The following PHACTR1 variants were observed in gnomAD, a reference collection of about 807,000 sequenced individuals.
PHACTR1 encodes RPEL repeat containing 1.
Under a neutral mutation model 69.2 loss-of-function variants are expected in PHACTR1, and 16 were observed. The observed-to-expected ratio is 0.23, with a 90% CI of 0.16 to 0.35. The LOEUF (loss-of-function observed/expected upper bound fraction) is 0.35. Among genes scored for constraint, PHACTR1 ranks in the 10% least tolerant of loss-of-function variants. The pLI is 1.00. For missense variants in PHACTR1, 510 were observed against 734.7 expected, an observed-to-expected ratio of 0.69 and a Z score of 3.54; for synonymous variants, 312 against 284.5, an observed-to-expected ratio of 1.10 and a Z score of -0.97.
intron 5 of PHACTR1, among the ~76,000 whole-genome samples, chr6:13,097,076 T>C (rs13200673): frequency 0.17 from 25,546 of 152,196 alleles, 2,803 homozygotes; most frequent in South Asian, 0.4. Context: ...GGAAACATAA[T>C]GCAAATTTTG....
chr6:13,156,671 C>T (rs1758222734), intron 5 of PHACTR1, among the ~76,000 whole-genome samples: 1 of 152,224 alleles, frequency 6.6e-6, no homozygotes. Flanking sequence ...TGCTTGATAA[C>T]GTCTCTTGGA....
chr6:12,886,030 G>T (rs1783599171), intron 4 of PHACTR1, among the ~76,000 whole-genome samples: 1 of 152,164 alleles, frequency 6.6e-6, no homozygotes. Flanking sequence ...AGGAGGCGGA[G>T]GTTTCAGTGA....
intron 10 of PHACTR1, among the ~76,000 whole-genome samples, chr6:13,255,490 A>G (rs1775054464): frequency 6.6e-6 from 1 of 152,194 alleles, no homozygotes; most frequent in Non-Finnish European, 1.5e-5. Flanking sequence ...TCATTCCAAC[A>G]TTAACTCAAA....
At chr6:13,036,091 T>C (rs1803261068) in intron 4 of PHACTR1, among the ~76,000 whole-genome samples, 1 of 151,922 alleles carries the variant, frequency 6.6e-6, no homozygotes, top group African/African-American at 2.4e-5. Context: ...GCTTAGCATA[T>C]GGCTAGTCGC....
chr6:13,160,323 C>G, intron 6 of PHACTR1, 39 bp downstream of exon 6: 2 of 1,552,172 alleles, frequency 1.3e-6, no homozygotes, highest in Non-Finnish European at 1.8e-6. Context: ...GTCAAAGAGT[C>G]ATGCGTGGAA....
chr6:12,787,720 G>C (rs1192455886), intron 4 of PHACTR1, among the ~76,000 whole-genome samples: 1 of 152,156 alleles, frequency 6.6e-6, no homozygotes, highest in Non-Finnish European at 1.5e-5. Flanking sequence ...TACCTGTCCA[G>C]AGTGACCCTC....
chr6:13,022,648 ATATT>A (rs1315210153), intron 4 of PHACTR1, among the ~76,000 whole-genome samples: 11 of 149,448 alleles, frequency 7.4e-5, no homozygotes, highest in Admixed American at 7.3e-4. Context: ...GAAGCTTAAG[ATATT>A]TATTCTCTGG....
intron 4 of PHACTR1, among the ~76,000 whole-genome samples, chr6:12,824,126 G>T (rs1776523143): frequency 6.6e-6 from 1 of 152,136 alleles, no homozygotes. Context: ...TCAGATCAGT[G>T]GTGGCATTAG....
At chr6:13,201,369 C>T (rs369118767) in intron 7 of PHACTR1, among the ~76,000 whole-genome samples, 79 of 152,240 alleles carry the variant, frequency 5.2e-4, no homozygotes, top group African/African-American at 1.7e-3. Flanking sequence ...AGCAAAGGCC[C>T]TGAAGAGAGA....
chr6:12,775,577 T>C (rs1231761896), intron 4 of PHACTR1, among the ~76,000 whole-genome samples: 1 of 152,224 alleles, frequency 6.6e-6, no homozygotes, highest in East Asian at 1.9e-4. Context: ...TAAAATTTAA[T>C]ATTGTGCTTT....
At chr6:13,112,252 C>T (rs957516698) in intron 5 of PHACTR1, among the ~76,000 whole-genome samples, 7 of 152,156 alleles carry the variant, frequency 4.6e-5, no homozygotes, top group African/African-American at 1.7e-4. Context: ...TATATATGTA[C>T]CACATGTTTT....
At chr6:13,187,258 C>T (rs369185310) in intron 7 of PHACTR1, among the ~76,000 whole-genome samples, 6 of 152,234 alleles carry the variant, frequency 3.9e-5, no homozygotes, top group African/African-American at 1.2e-4. Context: ...CATATATATA[C>T]GTAGAGAGAG....
chr6:12,892,338 C>T (rs1784239489), intron 4 of PHACTR1, among the ~76,000 whole-genome samples: 3 of 152,318 alleles, frequency 2.0e-5, no homozygotes, highest in Admixed American at 2.0e-4. Context: ...GAGGGTTTCA[C>T]TTTATGTAAG....
chr6:13,118,832 G>A (rs981260487), intron 5 of PHACTR1, among the ~76,000 whole-genome samples: 9 of 152,108 alleles, frequency 5.9e-5, no homozygotes, highest in African/African-American at 2.2e-4. Flanking sequence ...AGGCACTGCA[G>A]CTAGAACTAC....
chr6:12,922,643 C>A (rs1450954926), intron 4 of PHACTR1, among the ~76,000 whole-genome samples: 2 of 152,306 alleles, frequency 1.3e-5, no homozygotes, highest in South Asian at 4.2e-4. Flanking sequence ...CCATTTCACT[C>A]CTCCTACTAT....
rs555293915 is a variant in PHACTR1, at chr6:12,777,821, G to A, written c.250+28031G>A. On this transcript the variant is annotated intron_variant, in intron 4 of 14. Coordinates refer to ENST00000332995, the MANE Select transcript of PHACTR1 (RefSeq NM_030948.6). ...TAATTTTTCTATTTTTAGTAGAGAC[G>A]GGGTTTCGCCATGTTGGTCAGGCTG... 1.1e-4 allele frequency among the ~76,000 whole-genome samples: 17 copies of A among 152,010 alleles called. No individual in the cohort carries two copies. In the East Asian group the frequency reaches 1.5e-3, roughly 14 times the overall value.
At chr6:12,941,237 T>C (rs1404059524) in intron 4 of PHACTR1, among the ~76,000 whole-genome samples, 2 of 152,158 alleles carry the variant, frequency 1.3e-5, no homozygotes, top group African/African-American at 4.8e-5. Context: ...AGTAAAGTCC[T>C]CTTTAAGAAG....
intron 4 of PHACTR1, among the ~76,000 whole-genome samples, chr6:12,894,851 A>G (rs1431222170): frequency 6.6e-6 from 1 of 152,254 alleles, no homozygotes; most frequent in Non-Finnish European, 1.5e-5. Flanking sequence ...TTTTAATTTC[A>G]TCACACAGAT....
intron 4 of PHACTR1, among the ~76,000 whole-genome samples, chr6:12,861,423 A>G (rs1005149321): frequency 6.6e-6 from 1 of 152,240 alleles, no homozygotes; most frequent in East Asian, 1.9e-4. Flanking sequence ...AGGACATCCC[A>G]TATATAAACC....
Sources: allele counts gnomAD v4.1 joint callset (sites outside exome capture counted in the v4.1 genomes callset), GRCh38; gene constraint gnomAD v4.1.1; transcripts MANE v1.5; gene names NCBI Gene and HGNC (gene_info 2026-07-23, HGNC 2026-07-21).